The following ADGRG1 variants were observed in gnomAD, a reference collection of about 807,000 sequenced individuals.
The protein encoded by ADGRG1 is 7-transmembrane protein with no EGF-like N-terminal domains-1.
ADGRG1 carries 53 observed loss-of-function variants against 73.5 expected under a neutral mutation model. The ratio of observed to expected loss-of-function variants is 0.72; its 90% CI spans 0.58 to 0.91. The LOEUF (loss-of-function observed/expected upper bound fraction) is 0.91, where lower values mean the gene tolerates loss of function less well. Ranked by LOEUF, ADGRG1 falls within the 40% of genes least tolerant of loss-of-function variation. The pLI, the probability that ADGRG1 is intolerant of heterozygous loss-of-function variation, is 0.00. For synonymous variants in ADGRG1, 394 were observed against 374.4 expected (o/e 1.05, Z -0.60); for missense variants, 795 against 871.8 (o/e 0.91, Z 1.11).
At chr16:57,622,987 T>C, upstream of ADGRG1, 1 of 985,454 alleles carries the variant, frequency 1.0e-6, no homozygotes, top group Non-Finnish European at 1.2e-6. Context: ...AGGCCATTTC[T>C]TGTTGGCATG....
At chr16:57,635,305 C>T (rs1268362377) in intron 1 of ADGRG1, 1 of 985,124 alleles carries the variant, frequency 1.0e-6, no homozygotes, top group East Asian at 1.1e-4. Flanking sequence ...CCTGGCCACA[C>T]CTTCTGGGGG....
At chr16:57,643,503 C>T in intron 1 of ADGRG1, 1 of 920,150 alleles carries the variant, frequency 1.1e-6, no homozygotes, top group South Asian at 5.0e-5. Context: ...TGTTGTGGCT[C>T]AAGCACTTGG....
intron 1 of ADGRG1, chr16:57,642,429 AG>A: frequency 1.0e-6 from 1 of 984,680 alleles, no homozygotes; most frequent in Non-Finnish European, 1.2e-6. Flanking sequence ...AAGGGAGGGG[AG>A]GGGGCTGGAG....
At chr16:57,652,145 G>C in intron 3 of ADGRG1, 1 of 1,017,632 alleles carries the variant, frequency 9.8e-7, no homozygotes, top group Non-Finnish European at 1.2e-6. Flanking sequence ...GGTGAGGGGC[G>C]GAGTATGAGA....
At chr16:57,663,092 C>T (rs1462864701) in intron 13 of ADGRG1, 2 of 983,886 alleles carry the variant, frequency 2.0e-6, no homozygotes, top group Non-Finnish European at 2.4e-6. Context: ...TTGAGGGGTG[C>T]AAAATCTCAC....
intron 1 of ADGRG1, chr16:57,631,342 C>A: frequency 1.0e-6 from 1 of 985,688 alleles, no homozygotes; most frequent in South Asian, 4.7e-5. Flanking sequence ...ATGCGGGTTC[C>A]GCCATCCTGT....
chr16:57,649,120 C>T (rs554135293), intron 1 of ADGRG1, among the ~76,000 whole-genome samples: 2 of 152,192 alleles, frequency 1.3e-5, no homozygotes, highest in Non-Finnish European at 2.9e-5. Context: ...GGGGCAATAC[C>T]GAGTCCTTGT....
chr16:57,647,321 C>G (rs2042923611), intron 1 of ADGRG1: 1 of 984,804 alleles, frequency 1.0e-6, no homozygotes. Flanking sequence ...AATTTCCCCT[C>G]AAGGTGCTCT....
chr16:57,652,377 G>A (rs564587131), intron 3 of ADGRG1, among the ~76,000 whole-genome samples: 4 of 151,262 alleles, frequency 2.6e-5, no homozygotes, highest in Admixed American at 1.3e-4. Context: ...GGGGTGGGGG[G>A]CACAGCACTT....
intron 3 of ADGRG1, chr16:57,652,144 C>T (rs374578752): frequency 3.5e-5 from 36 of 1,020,536 alleles, no homozygotes; most frequent in Middle Eastern, 5.0e-4. Context: ...GGGTGAGGGG[C>T]GGAGTATGAG....
In ADGRG1 at chr16:57,647,120, G is replaced by T. The variant is rs78351628; in HGVS notation, c.-35-3133G>T. The T allele has an allele frequency of 6.0e-3, 5,929 of 985,498 alleles. 372 individuals are homozygous for T. In the East Asian group the frequency reaches 0.23, roughly 38 times the overall value. The allele number at this position is 985,498 out of a possible 1,614,324, so 61.0% of individuals were successfully genotyped here. A position where few individuals can be genotyped will look rare whatever the true frequency, so the allele number is the denominator to read the frequency against. ...TGCGTGGGGCAGACCTGGAGGGGTG[G>T]CATAGGCAGGGATGAAGGAGGGGCG... On this transcript the variant is annotated intron_variant, in intron 1 of 13. Coordinates refer to ENST00000562631, the MANE Select transcript of ADGRG1 (RefSeq NM_201525.4).
chr16:57,632,670 A>G (rs1200712955), intron 1 of ADGRG1: 2 of 508,080 alleles, frequency 3.9e-6, no homozygotes, highest in Non-Finnish European at 2.5e-6. Context: ...TGAGGAGGCC[A>G]GTGTGGTGGG....
chr16:57,624,709 A>G (rs2035503804), upstream of ADGRG1: 1 of 984,550 alleles, frequency 1.0e-6, no homozygotes, highest in Non-Finnish European at 1.2e-6. Flanking sequence ...GGCCTCAGTC[A>G]CAGCAGACAA....
chr16:57,663,288 G>C (rs544882808), intron 13 of ADGRG1, 164 bp from the exon 14 acceptor site: 2 of 982,416 alleles, frequency 2.0e-6, no homozygotes, highest in African/African-American at 3.5e-5. Flanking sequence ...ACAGTGCCCG[G>C]CTCATAGGAG....
chr16:57,624,506 C>CA (rs1277362756), upstream of ADGRG1, among the ~76,000 whole-genome samples: 2 of 152,074 alleles, frequency 1.3e-5, no homozygotes, highest in Non-Finnish European at 2.9e-5. Flanking sequence ...GTCTCGAAAA[C>CA]AAAGAAAAAA....
rs912168696 is a variant in ADGRG1, at chr16:57,628,683, G to A, written c.-155G>A. ...AGGAGATGGGCTGGGAGCCTCCCAC[G>A]CTCTCCAGCTCACTCGGCAGGCAGC... On this transcript the variant is annotated 5_prime_UTR_variant, in exon 1 of 14. Transcript: ENST00000562631. 56 of 985,496 alleles carry A rather than the reference G, an allele frequency of 5.7e-5. No individual in the cohort carries two copies. The Middle Eastern group carries it at 1.6e-3, about 28-fold the overall frequency. 61.0% of individuals were successfully genotyped at this position (985,496 alleles called of 1,614,324 possible).
At chr16:57,659,833 C>G (rs576015504) in intron 11 of ADGRG1, 152 bp downstream of exon 11, 1 of 785,410 alleles carries the variant, frequency 1.3e-6, no homozygotes, top group African/African-American at 1.7e-5. Flanking sequence ...TTGGCTGAAT[C>G]AAGGTCCCCT....
chr16:57,643,765 TG>T (rs1416667534), intron 1 of ADGRG1: 8 of 984,540 alleles, frequency 8.1e-6, no homozygotes, highest in Non-Finnish European at 9.6e-6. Context: ...GAGCTCTCTG[TG>T]GTCACCTAGC....
intron 13 of ADGRG1, chr16:57,663,149 C>T: frequency 1.1e-6 from 1 of 921,796 alleles, no homozygotes; most frequent in Non-Finnish European, 1.3e-6. Context: ...ACAGTTTGAG[C>T]CCTGGCTCAG....
Sources: allele counts gnomAD v4.1 joint callset (sites outside exome capture counted in the v4.1 genomes callset), GRCh38; gene constraint gnomAD v4.1.1; transcripts MANE v1.5; gene names NCBI Gene and HGNC (gene_info 2026-07-23, HGNC 2026-07-21).